Variants in AGBL1 observed in about 807,000 individuals in gnomAD.
AGBL1 encodes the protein AGBL carboxypeptidase 1.
Under a neutral mutation model 118.9 loss-of-function variants are expected in AGBL1, and 130 were observed. That is an observed-to-expected ratio of 1.09 (90% CI 0.95 to 1.26). The LOEUF (loss-of-function observed/expected upper bound fraction) is 1.26. AGBL1 is among the 50% of genes most tolerant of loss of function. The pLI is 0.00. For synonymous variants in AGBL1, 555 were observed against 478.9 expected (o/e 1.16, Z -2.08); for missense variants, 1,584 against 1,298.1 (o/e 1.22, Z -3.38).
At chr15:86,691,686 A>G (rs2086174781) in intron 22 of AGBL1, among the ~76,000 whole-genome samples, 1 of 152,190 alleles carries the variant, frequency 6.6e-6, no homozygotes, top group Non-Finnish European at 1.5e-5. Flanking sequence ...TGGAAGGTCA[A>G]TAATGATAAA....
rs1364928925 is a variant in AGBL1 at position 86,728,710 on chromosome 15, C to CT, written c.3158+54282dup. Among the ~76,000 whole-genome samples the CT allele has an allele frequency of 1.3e-4, 19 of 151,914 alleles. No homozygotes were observed. The East Asian group carries it at 1.7e-3, about 14-fold the overall frequency. On this transcript the variant is annotated intron_variant, in intron 22 of 22. Transcript: ENST00000614907. ...TACTGAGGGTTTTTCTTTTTCTTTT[C>CT]TTTTTTTTGTTCACATCTTTTAAAA...
intron 19 of AGBL1, among the ~76,000 whole-genome samples, chr15:86,526,519 T>C (rs1421662557): frequency 1.4e-5 from 2 of 142,342 alleles, no homozygotes; most frequent in Non-Finnish European, 1.5e-5. Context: ...TATATAAATA[T>C]GCACACAGAT....
intron 19 of AGBL1, among the ~76,000 whole-genome samples, chr15:86,528,521 A>T (rs1170751570): frequency 3.3e-5 from 5 of 150,346 alleles, no homozygotes; most frequent in Middle Eastern, 3.4e-3. Flanking sequence ...GGTGGCAGCG[A>T]GGCTGGGGGA....
At chr15:86,536,278 T>C (rs1045190793) in intron 19 of AGBL1, among the ~76,000 whole-genome samples, 3 of 152,220 alleles carry the variant, frequency 2.0e-5, no homozygotes, top group African/African-American at 7.2e-5. Context: ...ATGTAGTTTC[T>C]GTGTAACACA....
intron 5 of AGBL1, among the ~76,000 whole-genome samples, chr15:86,201,609 T>G (rs936609522): frequency 6.6e-6 from 1 of 152,164 alleles, no homozygotes; most frequent in Non-Finnish European, 1.5e-5. Context: ...GTCAAGAGAT[T>G]AGGTGATAGC....
chr15:86,570,791 C>T (rs1717108584), intron 21 of AGBL1, among the ~76,000 whole-genome samples: 1 of 152,126 alleles, frequency 6.6e-6, no homozygotes, highest in African/African-American at 2.4e-5. Context: ...GGCTGGAAAC[C>T]TCTGTGGCTG....
chr15:86,210,343 T>G (rs1192042522), intron 5 of AGBL1, among the ~76,000 whole-genome samples: 1 of 152,202 alleles, frequency 6.6e-6, no homozygotes, highest in Non-Finnish European at 1.5e-5. Context: ...CTGTATTTCC[T>G]GAATTTGAAT....
chr15:86,548,900 G>T (rs1014971549), intron 20 of AGBL1, among the ~76,000 whole-genome samples: 2 of 152,088 alleles, frequency 1.3e-5, no homozygotes, highest in African/African-American at 4.8e-5. Flanking sequence ...GGAGGCCTCA[G>T]AAAGCTTCCA....
rs960964474 is a variant in AGBL1 at position 86,255,492 on chromosome 15, T to G, written c.736-1361T>G. On this transcript the variant is annotated intron_variant, in intron 7 of 22. Transcript: ENST00000614907. The stretch of plus-strand genomic sequence containing the variant: ...AAGACATTTCATTTTGAAAGCTGGC[T>G]TACTTAAGGCTGGGCGTGGTAGCTC... Among the ~76,000 whole-genome samples the G allele has an allele frequency of 7.2e-5, 11 of 152,324 alleles. 1 individual carries two copies. The Middle Eastern group carries it at 0.031, about 424-fold the overall frequency.
At chr15:86,971,555 C>G (rs2081108886) in intron 23 of AGBL1, among the ~76,000 whole-genome samples, 2 of 151,778 alleles carry the variant, frequency 1.3e-5, no homozygotes, top group African/African-American at 4.8e-5. Context: ...ACACTGAGCT[C>G]TATGAGAAAG....
At chr15:86,708,199 G>GCCAATATTGGATTGGAC (rs2086487874) in intron 22 of AGBL1, among the ~76,000 whole-genome samples, 1 of 152,190 alleles carries the variant, frequency 6.6e-6, no homozygotes, top group Non-Finnish European at 1.5e-5. Context: ...CCAATATTTG[G>GCCAATATTGGATTGGAC]CCAATATTGG....
chr15:86,871,883 T>C (rs1365530768), intron 22 of AGBL1, among the ~76,000 whole-genome samples: 2 of 152,248 alleles, frequency 1.3e-5, no homozygotes, highest in Non-Finnish European at 1.5e-5. Flanking sequence ...GGTTGAATTA[T>C]TTATTTGAAT....
Position 86,248,474 on chromosome 15 carries a change from C to G in AGBL1, c.735+595C>G, listed in dbSNP as rs139261684. On this transcript the variant is annotated intron_variant, in intron 7 of 22. Transcript: ENST00000614907. ...AGAGTACTGGATTCAAATCCTAGCT[C>G]TAGGGCCTACAGCTGTGTAACTTTG... is the stretch of plus-strand genomic sequence containing the variant. Among the ~76,000 whole-genome samples, 357 of 152,284 alleles carry G rather than the reference C, an allele frequency of 2.3e-3. 3 individuals carry two copies. Among genetic ancestry groups the G allele is most frequent in the East Asian group, 0.018 (92 of 5,184 alleles).
chr15:86,238,789 C>A (rs1019376090), intron 6 of AGBL1, among the ~76,000 whole-genome samples: 3 of 151,906 alleles, frequency 2.0e-5, no homozygotes, highest in Admixed American at 1.3e-4. Flanking sequence ...TCTTGTGGCG[C>A]CTTCTATGTT....
chr15:86,936,008 C>T (rs940453994), intron 23 of AGBL1, among the ~76,000 whole-genome samples: 2 of 152,224 alleles, frequency 1.3e-5, no homozygotes, highest in Non-Finnish European at 2.9e-5. Flanking sequence ...GGCTGAAGAG[C>T]CCTGCTCCAG....
intron 23 of AGBL1, among the ~76,000 whole-genome samples, chr15:86,923,426 T>A (rs1212770402): frequency 1.3e-5 from 2 of 152,184 alleles, no homozygotes; most frequent in Non-Finnish European, 2.9e-5. Flanking sequence ...CTGCCTGTTA[T>A]CACCTCCTCA....
chr15:86,253,922 C>T (rs2078855897), intron 7 of AGBL1, among the ~76,000 whole-genome samples: 1 of 152,096 alleles, frequency 6.6e-6, no homozygotes, highest in East Asian at 1.9e-4. Flanking sequence ...AAGGACCATT[C>T]TGGCTGCCAT....
At position 86,989,702 on chromosome 15, in the gene AGBL1, A is replaced by G. The variant is rs145970730; in HGVS notation, c.3323+1614A>G. 4.8e-3 allele frequency among the ~76,000 whole-genome samples: 728 copies of G among 152,346 alleles called. 6 individuals carry two copies. The highest frequency in any genetic ancestry group is 0.012 in the Admixed American group (187 of 15,304). ...CAAATAAATAATATGACATATGACA[A>G]TGTTTTGAATAAAAATGGAACAAGA... On this transcript the variant is annotated intron_variant, in intron 24 of 24. Transcript: ENST00000441037.
At chr15:86,823,805 A>G (rs2078972586) in intron 22 of AGBL1, among the ~76,000 whole-genome samples, 1 of 152,166 alleles carries the variant, frequency 6.6e-6, no homozygotes, top group Non-Finnish European at 1.5e-5. Context: ...TGGATCCACC[A>G]TAACAACAGG....
Sources: gnomAD v4.1 joint callset for allele counts (sites outside exome capture counted in the v4.1 genomes callset) on GRCh38, gnomAD v4.1.1 for gene constraint, MANE v1.5 for transcripts, NCBI Gene and HGNC (gene_info 2026-07-23, HGNC 2026-07-21) for gene names.